The following RIT2 variants were observed in gnomAD, a reference collection of about 807,000 sequenced individuals.
The protein encoded by RIT2 is Ras like without CAAX 2, also known as GTP-binding protein Rit2.
In RIT2, 24 loss-of-function variants were observed where a neutral mutation model predicts 23.7. That is an observed-to-expected ratio of 1.01 (90% confidence interval 0.73 to 1.43). RIT2 has a LOEUF of 1.43. Ranked by LOEUF, RIT2 falls within the 40% of genes most tolerant of loss-of-function variation. The pLI is 0.00. For missense variants in RIT2, 236 were observed against 266.9 expected, an observed-to-expected ratio of 0.88 and a Z score of 0.81; for synonymous variants, 107 against 91.1, an observed-to-expected ratio of 1.17 and a Z score of -0.99.
chr18:43,022,495 A>G (rs1911619842), intron 2 of RIT2, among the ~76,000 whole-genome samples: 1 of 152,124 alleles, frequency 6.6e-6, no homozygotes, highest in Non-Finnish European at 1.5e-5. Flanking sequence ...ACGCAGGATG[A>G]TGGATACCCT....
intron 4 of RIT2, among the ~76,000 whole-genome samples, chr18:42,810,780 T>C (rs1488943952): frequency 6.6e-6 from 1 of 152,032 alleles, no homozygotes. Flanking sequence ...GCCTTCTCAC[T>C]AATTCCAATA....
chr18:42,917,789 C>A (rs886300236), intron 4 of RIT2, among the ~76,000 whole-genome samples: 1 of 152,110 alleles, frequency 6.6e-6, no homozygotes, highest in African/African-American at 2.4e-5. Context: ...GAAGATTTTG[C>A]AAGTGCTATT....
intron 4 of RIT2, among the ~76,000 whole-genome samples, chr18:42,893,692 T>C (rs575776803): frequency 7.6e-4 from 116 of 152,278 alleles, no homozygotes; most frequent in African/African-American, 2.6e-3. Flanking sequence ...ACCTTTGAAA[T>C]AGTTTTTTAT....
At chr18:43,108,554 C>A (rs1382202599) in intron 1 of RIT2, among the ~76,000 whole-genome samples, 1 of 152,096 alleles carries the variant, frequency 6.6e-6, no homozygotes. Flanking sequence ...ATTACATGCT[C>A]GTTCATCTCC....
intron 4 of RIT2, among the ~76,000 whole-genome samples, chr18:42,887,238 A>G (rs1250127979): frequency 1.3e-5 from 2 of 152,202 alleles, no homozygotes; most frequent in African/African-American, 4.8e-5. Context: ...AAAAGTAAGT[A>G]ATTAATAAAT....
chr18:42,994,143 C>T (rs959038538), intron 2 of RIT2, among the ~76,000 whole-genome samples: 3 of 152,098 alleles, frequency 2.0e-5, no homozygotes, highest in Non-Finnish European at 4.4e-5. Flanking sequence ...GCTTTCTTTA[C>T]TATTCCTTTG....
chr18:43,089,202 C>T (rs1443013107), intron 1 of RIT2, among the ~76,000 whole-genome samples: 2 of 152,056 alleles, frequency 1.3e-5, no homozygotes, highest in Non-Finnish European at 2.9e-5. Context: ...ACCCTATAGT[C>T]TCAGCCCAAA....
chr18:43,091,696 T>G lies in RIT2; in HGVS notation c.103+23721A>C, dbSNP rs567186445. 1.7e-4 allele frequency among the ~76,000 whole-genome samples: 26 copies of G among 152,176 alleles called. No individual in the cohort carries two copies. In the South Asian group the frequency reaches 5.2e-3, roughly 30 times the overall value. ...GATGTTCAGTTACCTAGCAGAAAGA[T>G]GTGCTACAAAAGAAATTGCATTATA... is the stretch of plus-strand genomic sequence containing the variant. On this transcript the variant is annotated intron_variant, in intron 1 of 4. Coordinates refer to ENST00000326695, the MANE Select transcript of RIT2 (RefSeq NM_002930.4).
chr18:42,939,587 T>C (rs1909544067), intron 3 of RIT2, among the ~76,000 whole-genome samples: 2 of 152,170 alleles, frequency 1.3e-5, no homozygotes, highest in African/African-American at 4.8e-5. Flanking sequence ...ATGCTTAATC[T>C]GGTATTACTA....
chr18:42,964,978 AT>A (rs1333523354), intron 3 of RIT2, among the ~76,000 whole-genome samples: 5 of 152,294 alleles, frequency 3.3e-5, no homozygotes, highest in African/African-American at 1.2e-4. Context: ...AAAACAGTTG[AT>A]TCTCATTCTT....
At chr18:43,102,257 A>G (rs1204752590) in intron 1 of RIT2, among the ~76,000 whole-genome samples, 1 of 152,156 alleles carries the variant, frequency 6.6e-6, no homozygotes, top group Non-Finnish European at 1.5e-5. Context: ...TCAGTGTTGC[A>G]ACTACAATCT....
intron 4 of RIT2, among the ~76,000 whole-genome samples, chr18:42,916,119 T>G (rs928843291): frequency 6.6e-6 from 1 of 152,176 alleles, no homozygotes; most frequent in Admixed American, 6.6e-5. Context: ...GCTAATTTGT[T>G]AAAATAGATT....
chr18:42,827,842 A>G (rs1039035517), intron 4 of RIT2, among the ~76,000 whole-genome samples: 77 of 151,902 alleles, frequency 5.1e-4, no homozygotes, highest in African/African-American at 1.8e-3. Context: ...CGTCTCTACT[A>G]AAAATACAAA....
At chr18:42,770,254 A>C (rs1913520455) in intron 4 of RIT2, among the ~76,000 whole-genome samples, 1 of 152,228 alleles carries the variant, frequency 6.6e-6, no homozygotes, top group South Asian at 2.1e-4. Flanking sequence ...GCCAAAGACC[A>C]GTTGGTAGGA....
At chr18:43,057,741 G>GGCAGCAGATA (rs1358148629) in intron 1 of RIT2, among the ~76,000 whole-genome samples, 1 of 150,028 alleles carries the variant, frequency 6.7e-6, no homozygotes, top group African/African-American at 2.5e-5. Flanking sequence ...ATAATTATGG[G>GGCAGCAGATA]GCAGCAGATA....
intron 4 of RIT2, among the ~76,000 whole-genome samples, chr18:42,835,097 C>A (rs1457121481): frequency 6.6e-6 from 1 of 152,054 alleles, no homozygotes; most frequent in Non-Finnish European, 1.5e-5. Flanking sequence ...TCACTTTTAA[C>A]TATTTCTAAC....
At chr18:43,092,370 G>A (rs1172650702) in intron 1 of RIT2, among the ~76,000 whole-genome samples, 2 of 152,044 alleles carry the variant, frequency 1.3e-5, no homozygotes, top group African/African-American at 4.8e-5. Context: ...GCCTGACCAG[G>A]TCACAAAATT....
At position 43,018,781 on chromosome 18, in the gene RIT2, A is replaced by C. The variant is rs558840183; in HGVS notation, c.160+15030T>G. Among the ~76,000 whole-genome samples, 3 of 152,164 alleles carry C rather than the reference A, an allele frequency of 2.0e-5. No homozygotes were observed. The East Asian group carries it at 5.8e-4, about 30-fold the overall frequency. ...AACTGAAGAAATTTGTCACCACTAG[A>C]CTAGCCCCGCAAGAAATGCTAAGGG... On this transcript the variant is annotated intron_variant, in intron 2 of 4. Coordinates refer to ENST00000326695, the MANE Select transcript of RIT2 (RefSeq NM_002930.4).
Position 42,922,222 on chromosome 18 carries a change from T to C in RIT2, c.426+1350A>G, listed in dbSNP as rs188699875. ...CATCAACTTGTAAACATGGACTCTGTATGAGATCTTTTCAATTTAAGAAAA... is the reference window on the plus strand; with the variant it reads ...CATCAACTTGTAAACATGGACTCTGCATGAGATCTTTTCAATTTAAGAAAA... On this transcript the variant is annotated intron_variant, in intron 4 of 4. Coordinates refer to ENST00000326695, the MANE Select transcript of RIT2 (RefSeq NM_002930.4). 7.6e-4 allele frequency among the ~76,000 whole-genome samples: 115 copies of C among 152,264 alleles called. 1 individual carries two copies. The highest frequency in any genetic ancestry group is 2.5e-3 in the Admixed American group (38 of 15,284).
Sources: gnomAD v4.1 joint callset for allele counts (sites outside exome capture counted in the v4.1 genomes callset) on GRCh38, gnomAD v4.1.1 for gene constraint, MANE v1.5 for transcripts, NCBI Gene and HGNC (gene_info 2026-07-23, HGNC 2026-07-21) for gene names.